ADGRA2: variants seen among roughly 807,000 people sequenced by gnomAD.
ADGRA2 encodes the protein G-protein coupled receptor 124.
In ADGRA2, 61 loss-of-function variants were observed where a neutral mutation model predicts 98.7. The ratio of observed to expected loss-of-function variants is 0.62; its 90% CI spans 0.50 to 0.76. The LOEUF is 0.76. Among genes scored for constraint, ADGRA2 ranks in the 30% least tolerant of loss-of-function variants. The probability of loss-of-function intolerance (pLI) is 0.00; values close to 1 mark genes in which losing one functional copy is unlikely to be tolerated. For synonymous variants in ADGRA2, 858 were observed against 831.5 expected (o/e 1.03, Z -0.55); for missense variants, 1,712 against 1,860.0 (o/e 0.92, Z 1.46).
At chr8:37,806,485 G>T (rs1196375402) in intron 1 of ADGRA2, among the ~76,000 whole-genome samples, 2 of 139,384 alleles carry the variant, frequency 1.4e-5, no homozygotes, top group African/African-American at 5.8e-5. Flanking sequence ...CCCTATGGGT[G>T]TGGCATTTTC....
chr8:37,841,972 C>T lies in ADGRA2; in HGVS notation c.3634C>T (p.Leu1212=), dbSNP rs1805814532. 3.3e-6 allele frequency: 5 copies of T among 1,502,364 alleles called. No homozygotes were observed. Among genetic ancestry groups the T allele is most frequent in the South Asian group, 1.3e-5 (1 of 79,690 alleles). The allele number at this position is 1,502,364 out of a possible 1,614,324, so 93.1% of individuals were successfully genotyped here. A position where few individuals can be genotyped will look rare whatever the true frequency, so the allele number is the denominator to read the frequency against. The change falls in exon 19 of 19, where the codon CTG becomes TTG. Residue 1212 remains leucine, a synonymous_variant. Transcript: ENST00000412232. This position sits in a 1 kb window ranked among gnomAD's most constrained non-coding sequence, Gnocchi z 5.0. ...KALRGGAAGA[L]ELLSSESGSL... ...CCTGCGCGGGGGCGCGGCGGGGGCG[C>T]TGGAGCTGCTGTCCAGCGAGAGCGG... is the stretch of plus-strand genomic sequence containing the variant.
At chr8:37,833,469 CAG>C (rs1805517759) in intron 9 of ADGRA2, among the ~76,000 whole-genome samples, 1 of 152,202 alleles carries the variant, frequency 6.6e-6, no homozygotes, top group Non-Finnish European at 1.5e-5. Flanking sequence ...ACGCCAAAAG[CAG>C]AGTCCCACTG....
chr8:37,815,069 C>T, intron 2 of ADGRA2, 102 bp downstream of exon 2: 1 of 858,798 alleles, frequency 1.2e-6, no homozygotes, highest in Non-Finnish European at 2.0e-6. Context: ...GACTCCAGAA[C>T]CTGCCGGCCG....
In ADGRA2 at chr8:37,814,232, C is replaced by G. The variant is rs570834905; in HGVS notation, c.267-664C>G. Among the ~76,000 whole-genome samples the G allele has an allele frequency of 6.6e-6, 1 of 152,254 alleles. No individual in the cohort carries two copies. The highest frequency in any genetic ancestry group is 2.4e-5 in the African/African-American group (1 of 41,534). On this transcript the variant is annotated intron_variant, in intron 1 of 18. Coordinates refer to ENST00000412232, the MANE Select transcript of ADGRA2 (RefSeq NM_032777.10). This position sits in a 1 kb window ranked among gnomAD's most constrained non-coding sequence, Gnocchi z 4.3. ...CCTTTCCTCCTCCCCTAAATACAAA[C>G]GAATAAATAAACAGAACCCCGAGGC...
chr8:37,831,379 G>T, intron 7 of ADGRA2, 44 bp from the exon 8 acceptor site: 1 of 1,594,402 alleles, frequency 6.3e-7, no homozygotes, highest in Non-Finnish European at 8.5e-7. Context: ...AACGTGGCTG[G>T]GCCCAAGGGT....
At chr8:37,812,691 A>G (rs538810186) in intron 1 of ADGRA2, among the ~76,000 whole-genome samples, 7 of 150,312 alleles carry the variant, frequency 4.7e-5, no homozygotes, top group Admixed American at 1.3e-4. Flanking sequence ...TTTTGAGACT[A>G]GGTCTCACTC....
intron 2 of ADGRA2, among the ~76,000 whole-genome samples, chr8:37,822,704 T>C (rs1805161101): frequency 2.0e-5 from 3 of 152,198 alleles, no homozygotes; most frequent in Admixed American, 6.5e-5. Context: ...GGACATTTTA[T>C]ATAAATGAAA....
rs1037087956 is a variant in ADGRA2, at chr8:37,802,956, A to G, written c.266+5422A>G. Among the ~76,000 whole-genome samples, 3 of 151,968 alleles carry G rather than the reference A, an allele frequency of 2.0e-5. No individual in the cohort carries two copies. Among genetic ancestry groups the G allele is most frequent in the South Asian group, 4.1e-4 (2 of 4,830 alleles). ...CGGAGTTACTCCTGCATGTGCATGA[A>G]CCCAACCACTCCTGAAGCCACCGAA... On this transcript the variant is annotated intron_variant, in intron 1 of 18. Coordinates refer to ENST00000412232, the MANE Select transcript of ADGRA2 (RefSeq NM_032777.10). The surrounding 1 kb of genome is among the most constrained non-coding windows in gnomAD (Gnocchi z 4.7).
chr8:37,818,470 G>A (rs920162325), intron 2 of ADGRA2, among the ~76,000 whole-genome samples: 4 of 152,284 alleles, frequency 2.6e-5, no homozygotes, highest in Non-Finnish European at 5.9e-5. Flanking sequence ...GAGCATGGCA[G>A]GCAATCAGAA....
intron 1 of ADGRA2, among the ~76,000 whole-genome samples, chr8:37,803,769 C>T (rs186800224): frequency 2.3e-3 from 348 of 152,190 alleles, no homozygotes; most frequent in Non-Finnish European, 3.5e-3. Flanking sequence ...AGGTGAGGCA[C>T]GGGAGCCCCA....
intron 1 of ADGRA2, among the ~76,000 whole-genome samples, chr8:37,804,772 G>A (rs1176944013): frequency 6.6e-6 from 1 of 152,224 alleles, no homozygotes; most frequent in Non-Finnish European, 1.5e-5. Context: ...AGATGGGACA[G>A]AGCAGATGCC....
At chr8:37,805,380 A>G (rs1469350135) in intron 1 of ADGRA2, among the ~76,000 whole-genome samples, 3 of 152,212 alleles carry the variant, frequency 2.0e-5, no homozygotes, top group Non-Finnish European at 4.4e-5. Context: ...AAGGTCAAAG[A>G]TGAGTATCTG....
rs1459255335 is a variant in ADGRA2, at chr8:37,797,281, G to A, written c.13G>A (p.Gly5Arg). The A allele has an allele frequency of 3.9e-6, 5 of 1,297,216 alleles. No individual in the cohort carries two copies. Among genetic ancestry groups the A allele is most frequent in the African/African-American group, 1.6e-5 (1 of 64,290 alleles). 80.4% of individuals were successfully genotyped at this position (1,297,216 alleles called of 1,614,324 possible). Reference protein sequence around the residue: MGAGGRRMRGAPARL... With the variant: MGAGRRRMRGAPARL... ...GGGCGATGGGTTGATGGGCGCCGGG[G>A]GACGCAGGATGCGGGGGGCGCCCGC... Residue 5 changes from glycine (G) to arginine (R), a missense_variant, in exon 1 of 19, where the codon GGA (glycine) becomes AGA (arginine). Physicochemically the swap from Gly to Arg is moderately radical, Grantham distance 125. Coordinates refer to ENST00000412232, the MANE Select transcript of ADGRA2 (RefSeq NM_032777.10). The surrounding 1 kb of genome is among the most constrained non-coding windows in gnomAD (Gnocchi z 5.3).
At chr8:37,838,252 T>C in intron 14 of ADGRA2, among the ~76,000 whole-genome samples, 1 of 11,600 alleles carries the variant, frequency 8.6e-5, no homozygotes, top group East Asian at 9.4e-3. Context: ...GAGACCAGAT[T>C]TTTTTTTTTT....
rs1805403031 is a variant in ADGRA2, at chr8:37,829,874, C to T, written c.578C>T (p.Thr193Ile). Reference protein sequence around the residue: ...KVVDLGTEFLTCDCHLRWLLP... With the variant: ...KVVDLGTEFLICDCHLRWLLP... ...AGGGACTTGGGCACCGAGTTCCTGA[C>T]CTGTGACTGCCACCTGCGCTGGCTG... The change falls in exon 6 of 19, where the codon ACC (threonine) becomes ATC (isoleucine). Residue 193 changes from threonine to isoleucine, a missense_variant. By Grantham distance (89) the Thr-to-Ile change is moderately conservative. Transcript: ENST00000412232. The T allele has an allele frequency of 1.2e-6, 2 of 1,612,636 alleles. No individual in the cohort carries two copies. The highest frequency in any genetic ancestry group is 2.7e-5 in the African/African-American group (2 of 74,908).
chr8:37,798,100 A>G (rs1804392743), intron 1 of ADGRA2, among the ~76,000 whole-genome samples: 1 of 152,048 alleles, frequency 6.6e-6, no homozygotes. Flanking sequence ...TGGGCTCAGA[A>G]AAGTCGGCCC....
At chr8:37,837,583 C>A in intron 13 of ADGRA2, 148 bp from the exon 14 acceptor site, 1 of 687,428 alleles carries the variant, frequency 1.5e-6, no homozygotes, top group Non-Finnish European at 2.5e-6. Context: ...TCCTTGGCAT[C>A]TCACCGCATG....
chr8:37,831,178 C>T (rs2070495), intron 7 of ADGRA2, among the ~76,000 whole-genome samples: 3,195 of 152,228 alleles, frequency 0.021, 76 homozygotes, highest in East Asian at 0.11. Flanking sequence ...TCTATGGCAC[C>T]AGATTTAATC....
At chr8:37,840,323 G>A in intron 17 of ADGRA2, 57 bp downstream of exon 17, 1 of 1,579,748 alleles carries the variant, frequency 6.3e-7, no homozygotes, top group South Asian at 1.1e-5. Flanking sequence ...GCAGGCGTAG[G>A]AAACCTCCCA....
Sources: allele counts gnomAD v4.1 joint callset (sites outside exome capture counted in the v4.1 genomes callset), GRCh38; gene constraint gnomAD v4.1.1; non-coding constraint Gnocchi (gnomAD v3.1); transcripts MANE v1.5; gene names NCBI Gene and HGNC (gene_info 2026-07-23, HGNC 2026-07-21).